Variants in RAMP1 observed in about 807,000 individuals in gnomAD.
RAMP1 encodes receptor activity-modifying protein 1.
RAMP1 carries 7 observed loss-of-function variants against 8.2 expected under a neutral mutation model. That is an observed-to-expected ratio of 0.85 (90% confidence interval 0.49 to 1.60). The LOEUF is 1.60. Among genes scored for constraint, RAMP1 ranks in the 40% most tolerant of loss-of-function variants. The pLI is 0.00. For synonymous variants in RAMP1, 92 were observed against 84.7 expected (o/e 1.09, Z -0.47); for missense variants, 192 against 202.4 (o/e 0.95, Z 0.31).
intron 2 of RAMP1, among the ~76,000 whole-genome samples, chr2:237,908,493 CTCGGCAT>C (rs1350905159): frequency 6.6e-6 from 1 of 151,828 alleles, no homozygotes; most frequent in Non-Finnish European, 1.5e-5. Flanking sequence ...GTGGCATGAT[CTCGGCAT>C]GATCTCGGCT....
chr2:237,866,602 T>C (rs1458792577), intron 1 of RAMP1, among the ~76,000 whole-genome samples: 1 of 152,146 alleles, frequency 6.6e-6, no homozygotes, highest in Non-Finnish European at 1.5e-5. Flanking sequence ...TGGTCAGAAA[T>C]TCGAGTGTAG....
rs994253065 is a variant in RAMP1 at position 237,865,797 on chromosome 2, A to G, written c.52+6070A>G. 6.6e-6 allele frequency among the ~76,000 whole-genome samples: 1 copy of G among 151,930 alleles called. No homozygotes were observed. Among genetic ancestry groups the G allele is most frequent in the Non-Finnish European group, 1.5e-5 (1 of 67,962 alleles). On this transcript the variant is annotated intron_variant, in intron 1 of 2. Transcript: ENST00000254661. This position sits in a 1 kb window ranked among gnomAD's most constrained non-coding sequence, Gnocchi z 4.2. ...AGGCCAGAGAGGACGGCCAGGGAGG[A>G]CAGAGAAGGAAACGGGCCCCAGGCA...
chr2:237,880,245 C>G (rs1382403656), intron 2 of RAMP1, among the ~76,000 whole-genome samples: 1 of 152,146 alleles, frequency 6.6e-6, no homozygotes, highest in Non-Finnish European at 1.5e-5. Context: ...GGGATCATCC[C>G]GGGGCCCGGT....
At chr2:237,894,167 C>T (rs1190100492) in intron 2 of RAMP1, among the ~76,000 whole-genome samples, 4 of 151,748 alleles carry the variant, frequency 2.6e-5, no homozygotes, top group Non-Finnish European at 4.4e-5. Context: ...GACAGGATTT[C>T]GCCATGTTGC....
chr2:237,859,913 G>A (rs892554990), intron 1 of RAMP1, 186 bp downstream of exon 1: 1 of 523,130 alleles, frequency 1.9e-6, no homozygotes, highest in Non-Finnish European at 3.2e-6. Flanking sequence ...GGGCACAGGG[G>A]AGGCGGAGGG....
intron 2 of RAMP1, among the ~76,000 whole-genome samples, chr2:237,908,246 G>A (rs983024948): frequency 1.3e-5 from 2 of 152,208 alleles, no homozygotes; most frequent in Non-Finnish European, 2.9e-5. Context: ...CCAAGGTTAT[G>A]TTCAAGGCTT....
chr2:237,876,858 A>ACAGCC (rs112232362), intron 1 of RAMP1, among the ~76,000 whole-genome samples: 2 of 152,102 alleles, frequency 1.3e-5, no homozygotes, highest in African/African-American at 4.8e-5. Context: ...GCTGGGGGGC[A>ACAGCC]CAGCCCAGCC....
chr2:237,870,169 G>C (rs775176572), intron 1 of RAMP1, among the ~76,000 whole-genome samples: 1 of 152,232 alleles, frequency 6.6e-6, no homozygotes, highest in Non-Finnish European at 1.5e-5. Flanking sequence ...CCACCTTTTG[G>C]ATGTTCCCCG....
chr2:237,889,257 C>T (rs2062465902), intron 2 of RAMP1, among the ~76,000 whole-genome samples: 1 of 152,208 alleles, frequency 6.6e-6, no homozygotes, highest in South Asian at 2.1e-4. Flanking sequence ...TAACTGTCCA[C>T]AGACTCTGTC....
intron 2 of RAMP1, among the ~76,000 whole-genome samples, chr2:237,882,711 G>A (rs1419718565): frequency 2.0e-5 from 3 of 151,718 alleles, no homozygotes; most frequent in African/African-American, 7.3e-5. Context: ...GCGAGGGCCT[G>A]GGGTTCTAGG....
chr2:237,892,895 C>A (rs891072268), intron 2 of RAMP1, among the ~76,000 whole-genome samples: 1 of 152,164 alleles, frequency 6.6e-6, no homozygotes, highest in Middle Eastern at 3.2e-3. Context: ...GACAGTTGCA[C>A]TATTTGCATA....
At chr2:237,905,297 C>T (rs1416352078) in intron 2 of RAMP1, among the ~76,000 whole-genome samples, 1 of 152,196 alleles carries the variant, frequency 6.6e-6, no homozygotes, top group Non-Finnish European at 1.5e-5. Flanking sequence ...ACTGACGGAG[C>T]TCACAACATT....
At chr2:237,883,768 A>T in intron 2 of RAMP1, among the ~76,000 whole-genome samples, 1 of 146,652 alleles carries the variant, frequency 6.8e-6, no homozygotes, top group African/African-American at 2.5e-5. Flanking sequence ...GTGAGCCATG[A>T]TGGTACCACT....
intron 1 of RAMP1, among the ~76,000 whole-genome samples, chr2:237,874,304 G>A (rs186296417): frequency 1.1e-4 from 17 of 152,346 alleles, no homozygotes; most frequent in East Asian, 1.9e-4. Flanking sequence ...TGAAAGGACC[G>A]CTGTCATTGT....
intron 2 of RAMP1, among the ~76,000 whole-genome samples, chr2:237,909,336 G>A (rs937432057): frequency 2.6e-5 from 4 of 151,672 alleles, no homozygotes; most frequent in African/African-American, 9.7e-5. Context: ...GAGCATGAGC[G>A]AGCTCACACA....
intron 2 of RAMP1, among the ~76,000 whole-genome samples, chr2:237,899,721 T>C (rs961360456): frequency 3.9e-5 from 6 of 152,236 alleles, no homozygotes; most frequent in African/African-American, 1.4e-4. Flanking sequence ...CTCAAGAGGC[T>C]TGGGATCAGG....
chr2:237,896,586 C>T (rs1170115052), intron 2 of RAMP1, among the ~76,000 whole-genome samples: 1 of 152,220 alleles, frequency 6.6e-6, no homozygotes, highest in East Asian at 1.9e-4. Context: ...GAACACCTGC[C>T]CTCGGGTGAT....
intron 1 of RAMP1, among the ~76,000 whole-genome samples, chr2:237,874,922 G>C (rs530213871): frequency 2.6e-5 from 4 of 152,282 alleles, no homozygotes; most frequent in African/African-American, 9.6e-5. Context: ...TCAGCCGGGG[G>C]CCTCTTGGAG....
chr2:237,905,306 T>C (rs1162437317), intron 2 of RAMP1, among the ~76,000 whole-genome samples: 1 of 152,180 alleles, frequency 6.6e-6, no homozygotes, highest in Non-Finnish European at 1.5e-5. Flanking sequence ...GCTCACAACA[T>C]TTATTGAAAG....
Sources: allele counts gnomAD v4.1 joint callset (sites outside exome capture counted in the v4.1 genomes callset), GRCh38; gene constraint gnomAD v4.1.1; non-coding constraint Gnocchi (gnomAD v3.1); transcripts MANE v1.5; gene names NCBI Gene and HGNC (gene_info 2026-07-23, HGNC 2026-07-21).